SLC4A10: variants seen among roughly 807,000 people sequenced by gnomAD.
SLC4A10 encodes sodium-driven chloride bicarbonate exchanger.
Under a neutral mutation model 137.7 loss-of-function variants are expected in SLC4A10, and 42 were observed. The observed-to-expected ratio is 0.30, with a 90% CI of 0.24 to 0.39. The LOEUF (loss-of-function observed/expected upper bound fraction) is 0.39. Among genes scored for constraint, SLC4A10 ranks in the 10% least tolerant of loss-of-function variants. SLC4A10 has a pLI of 1.00. For synonymous variants in SLC4A10, 474 were observed against 464.1 expected, an observed-to-expected ratio of 1.02 and a Z score of -0.27; for missense variants, 925 against 1,355.0, an observed-to-expected ratio of 0.68 and a Z score of 4.98.
At position 161,765,773 on chromosome 2, in the gene SLC4A10, A is replaced by G. The variant is rs144680503; in HGVS notation, c.49-5200A>G. ...GATGCATTAATGTGTTTGATGTTCA[A>G]TGAATCTAGAGAGTAACTCAGTACA... On this transcript the variant is annotated intron_variant, in intron 1 of 26. Coordinates refer to ENST00000446997, the MANE Select transcript of SLC4A10 (RefSeq NM_001178015.2). 2.7e-4 allele frequency among the ~76,000 whole-genome samples: 41 copies of G among 152,238 alleles called. No individual in the cohort carries two copies. In the East Asian group the frequency reaches 7.0e-3, roughly 26 times the overall value.
intron 2 of SLC4A10, among the ~76,000 whole-genome samples, chr2:161,787,766 A>G (rs1258065079): frequency 1.3e-5 from 2 of 152,170 alleles, no homozygotes; most frequent in East Asian, 3.9e-4. Context: ...TTATTTTCAG[A>G]AGTTCTATTT....
chr2:161,876,840 G>A (rs1042047282), intron 8 of SLC4A10, among the ~76,000 whole-genome samples: 5 of 151,758 alleles, frequency 3.3e-5, no homozygotes, highest in African/African-American at 1.2e-4. Context: ...ATATATAATC[G>A]ATTACTTCCC....
intron 6 of SLC4A10, among the ~76,000 whole-genome samples, chr2:161,866,854 TATG>T (rs2060791271): frequency 1.3e-5 from 2 of 152,014 alleles, no homozygotes; most frequent in Non-Finnish European, 2.9e-5. Context: ...TTATTATCCT[TATG>T]ATAATTTTTA....
At chr2:161,773,362 C>T (rs952150283) in intron 2 of SLC4A10, among the ~76,000 whole-genome samples, 3 of 151,814 alleles carry the variant, frequency 2.0e-5, no homozygotes, top group South Asian at 2.1e-4. Flanking sequence ...TTCCAACACA[C>T]GCCTTTTGGG....
At chr2:161,770,832 T>G in intron 1 of SLC4A10, 141 bp from the exon 2 acceptor site, 1 of 516,992 alleles carries the variant, frequency 1.9e-6, no homozygotes, top group East Asian at 3.2e-5. Context: ...CAACACTTAC[T>G]AATCAAATAG....
chr2:161,828,793 TA>T (rs2058213139), intron 3 of SLC4A10, among the ~76,000 whole-genome samples: 2 of 118,764 alleles, frequency 1.7e-5, no homozygotes, highest in African/African-American at 6.6e-5. Context: ...TATATATATA[TA>T]TATATATATA....
chr2:161,817,289 T>C (rs2057179484), intron 3 of SLC4A10, among the ~76,000 whole-genome samples: 1 of 152,226 alleles, frequency 6.6e-6, no homozygotes, highest in South Asian at 2.1e-4. Context: ...TTTTGAGAAG[T>C]GTCTGTTCAT....
At chr2:161,660,229 T>C (rs892137956) in intron 1 of SLC4A10, among the ~76,000 whole-genome samples, 6 of 152,248 alleles carry the variant, frequency 3.9e-5, no homozygotes, top group East Asian at 1.9e-4. Flanking sequence ...AGCATTTTCT[T>C]TGAGTCCACA....
chr2:161,935,711 C>T (rs1250467503), intron 15 of SLC4A10, among the ~76,000 whole-genome samples: 1 of 151,970 alleles, frequency 6.6e-6, no homozygotes, highest in East Asian at 1.9e-4. Context: ...AAAGTGCTAC[C>T]CATTTTTATG....
At chr2:161,821,645 AG>A (rs1323995120) in intron 3 of SLC4A10, among the ~76,000 whole-genome samples, 1 of 152,224 alleles carries the variant, frequency 6.6e-6, no homozygotes, top group Non-Finnish European at 1.5e-5. Flanking sequence ...AATTTTTAAC[AG>A]GAAGATTTTT....
intron 2 of SLC4A10, among the ~76,000 whole-genome samples, chr2:161,782,196 G>A (rs1371353504): frequency 6.6e-6 from 1 of 151,984 alleles, no homozygotes; most frequent in East Asian, 1.9e-4. Flanking sequence ...AACTTTCTGG[G>A]GGTTTTCCAA....
At chr2:161,636,399 AT>A (rs1390305807) in intron 1 of SLC4A10, among the ~76,000 whole-genome samples, 1 of 151,786 alleles carries the variant, frequency 6.6e-6, no homozygotes, top group Non-Finnish European at 1.5e-5. Flanking sequence ...TTTGTTATTT[AT>A]TCACCTTTTT....
At chr2:161,788,968 C>G (rs981585686) in intron 2 of SLC4A10, among the ~76,000 whole-genome samples, 4 of 152,200 alleles carry the variant, frequency 2.6e-5, no homozygotes, top group Non-Finnish European at 4.4e-5. Flanking sequence ...ACCTGCAGCT[C>G]CCCAGAGACC....
At chr2:161,850,328 T>G (rs1199944920) in intron 4 of SLC4A10, among the ~76,000 whole-genome samples, 1 of 152,136 alleles carries the variant, frequency 6.6e-6, no homozygotes, top group Non-Finnish European at 1.5e-5. Context: ...GAACAGAGGT[T>G]GCAGTGAGTC....
chr2:161,804,393 T>C, intron 2 of SLC4A10, 56 bp from the exon 3 acceptor site: 1 of 1,568,494 alleles, frequency 6.4e-7, no homozygotes, highest in African/African-American at 1.4e-5. Flanking sequence ...TAAATCATCA[T>C]ATCTGTGCCC....
intron 2 of SLC4A10, among the ~76,000 whole-genome samples, chr2:161,785,738 CAAT>C (rs1441804839): frequency 2.6e-5 from 4 of 151,926 alleles, no homozygotes; most frequent in African/African-American, 7.2e-5. Flanking sequence ...ACATCATACT[CAAT>C]GATGAAAAGT....
intron 3 of SLC4A10, among the ~76,000 whole-genome samples, chr2:161,810,693 A>C (rs2056465043): frequency 6.6e-6 from 1 of 151,938 alleles, no homozygotes; most frequent in Non-Finnish European, 1.5e-5. Flanking sequence ...TGTCGAACCA[A>C]CCTTGCATTC....
At chr2:161,646,736 C>T (rs1289484867) in intron 1 of SLC4A10, among the ~76,000 whole-genome samples, 1 of 151,930 alleles carries the variant, frequency 6.6e-6, no homozygotes, top group Non-Finnish European at 1.5e-5. Flanking sequence ...AAAATTATTT[C>T]TTCCTTGTAA....
At chr2:161,775,299 A>G (rs949332684) in intron 2 of SLC4A10, among the ~76,000 whole-genome samples, 11 of 151,728 alleles carry the variant, frequency 7.2e-5, no homozygotes, top group Non-Finnish European at 1.5e-4. Flanking sequence ...TGGAAAATAT[A>G]TTTTTCTCCC....
Sources: gnomAD v4.1 joint callset for allele counts (sites outside exome capture counted in the v4.1 genomes callset) on GRCh38, gnomAD v4.1.1 for gene constraint, MANE v1.5 for transcripts, NCBI Gene and HGNC (gene_info 2026-07-23, HGNC 2026-07-21) for gene names.